The following STAT4 variants were observed in gnomAD, a reference collection of about 807,000 sequenced individuals.
STAT4 encodes the protein signal transducer and activator of transcription 4.
STAT4 carries 42 observed loss-of-function variants against 110.5 expected under a neutral mutation model. The ratio of observed to expected loss-of-function variants is 0.38; its 90% confidence interval spans 0.30 to 0.49. The LOEUF is 0.49. Ranked by LOEUF, STAT4 falls within the 20% of genes least tolerant of loss-of-function variation. STAT4 has a pLI of 0.95. For synonymous variants in STAT4, 284 were observed against 302.2 expected (o/e 0.94, Z 0.63); for missense variants, 632 against 887.9 (o/e 0.71, Z 3.66).
Position 191,132,682 on chromosome 2 carries a change from G to C in STAT4, c.273+13931C>G, listed in dbSNP as rs932786275. On this transcript the variant is annotated intron_variant, in intron 3 of 23. Transcript: ENST00000392320. ...CGTTAATTTCTCCTCATATTTAATA[G>C]CATGGAGTGAACAGACAACTGCCTA... Among the ~76,000 whole-genome samples, 9 of 151,644 alleles carry C rather than the reference G, an allele frequency of 5.9e-5. 1 individual carries two copies. The highest frequency in any genetic ancestry group is 2.2e-4 in the African/African-American group (9 of 41,012).
rs1480449393 is a variant in STAT4, at chr2:191,090,243, T to C, written c.274-13918A>G. 1.3e-5 allele frequency among the ~76,000 whole-genome samples: 2 copies of C among 152,108 alleles called. No individual in the cohort carries two copies. Among genetic ancestry groups the C allele is most frequent in the Non-Finnish European group, 2.9e-5 (2 of 68,012 alleles). ...ATTGCTCTAAAAAACAAATCCTTTT[T>C]ATTTTCTGAAATTGTCTTACTAAAA... On this transcript the variant is annotated intron_variant, in intron 3 of 23. Transcript: ENST00000392320. The surrounding 1 kb of genome is among the most constrained non-coding windows in gnomAD (Gnocchi z 4.2).
chr2:191,144,885 A>T lies in STAT4; in HGVS notation c.273+1728T>A, dbSNP rs1218557349. ...TATCTTTGTTTACATTAAAAGATACAGGTCAGAAGATTAAGTGATTTGCTC... is the reference window on the plus strand; with the variant it reads ...TATCTTTGTTTACATTAAAAGATACTGGTCAGAAGATTAAGTGATTTGCTC... On this transcript the variant is annotated intron_variant, in intron 3 of 23. Coordinates refer to ENST00000392320, the MANE Select transcript of STAT4 (RefSeq NM_003151.4). This position sits in a 1 kb window ranked among gnomAD's most constrained non-coding sequence, Gnocchi z 4.7. Among the ~76,000 whole-genome samples the T allele has an allele frequency of 6.6e-6, 1 of 152,222 alleles. No homozygotes were observed. Among genetic ancestry groups the T allele is most frequent in the Non-Finnish European group, 1.5e-5 (1 of 68,038 alleles).
chr2:191,097,894 G>T (rs573006433), intron 3 of STAT4, among the ~76,000 whole-genome samples: 3 of 139,844 alleles, frequency 2.1e-5, no homozygotes, highest in East Asian at 4.1e-4. Flanking sequence ...AATCTACAAA[G>T]AACTTAAACA....
intron 4 of STAT4, among the ~76,000 whole-genome samples, chr2:191,075,531 A>C (rs1697289036): frequency 6.6e-6 from 1 of 152,214 alleles, no homozygotes; most frequent in Admixed American, 6.5e-5. Context: ...ACCAGAACAT[A>C]CAGGAAGAGG....
At chr2:191,055,893 T>C (rs899251254) in intron 13 of STAT4, among the ~76,000 whole-genome samples, 11 of 152,230 alleles carry the variant, frequency 7.2e-5, no homozygotes, top group Admixed American at 2.0e-4. Flanking sequence ...CTTCCTACTT[T>C]ACTTATTACT....
At chr2:191,052,630 T>G (rs1696561517) in intron 14 of STAT4, among the ~76,000 whole-genome samples, 1 of 152,192 alleles carries the variant, frequency 6.6e-6, no homozygotes. Flanking sequence ...AGAGTTGAGC[T>G]ATTTGGATTT....
At chr2:191,141,082 G>A (rs1220652397) in intron 3 of STAT4, among the ~76,000 whole-genome samples, 1 of 151,902 alleles carries the variant, frequency 6.6e-6, no homozygotes, top group Admixed American at 6.6e-5. Flanking sequence ...GGGACTTGTG[G>A]GGGAAGGTTG....
intron 3 of STAT4, among the ~76,000 whole-genome samples, chr2:191,134,244 A>G (rs1333714365): frequency 6.6e-6 from 1 of 152,220 alleles, no homozygotes; most frequent in Non-Finnish European, 1.5e-5. Context: ...CATAGCCTGC[A>G]TGGGAGCAAA....
intron 5 of STAT4, among the ~76,000 whole-genome samples, chr2:191,072,589 T>A (rs1697197246): frequency 6.6e-6 from 1 of 152,204 alleles, no homozygotes; most frequent in Non-Finnish European, 1.5e-5. Context: ...ATGTAAGTTT[T>A]GGAAGGGAAA....
chr2:191,057,888 G>T, intron 13 of STAT4, 130 bp downstream of exon 13: 1 of 830,494 alleles, frequency 1.2e-6, no homozygotes, highest in Non-Finnish European at 1.9e-6. Context: ...ATGAGCCACC[G>T]TGCCCGGCCG....
At chr2:191,141,417 GTATATCACATACATACATATACA>G (rs1383860260) in intron 3 of STAT4, among the ~76,000 whole-genome samples, 38 of 44,666 alleles carry the variant, frequency 8.5e-4, no homozygotes, top group Admixed American at 1.7e-3. Context: ...ATATACATAT[GTATATCACATACATACATATACA>G]TATGTATATC....
At chr2:191,136,910 T>A (rs1699194383) in intron 3 of STAT4, among the ~76,000 whole-genome samples, 1 of 152,024 alleles carries the variant, frequency 6.6e-6, no homozygotes, top group East Asian at 1.9e-4. Flanking sequence ...TTCCATACAA[T>A]GAAAATGAAT....
Position 191,077,971 on chromosome 2 carries a change from C to T in STAT4, c.274-1646G>A, listed in dbSNP as rs866684888. ...CCGTGTGTCGACAATTTCAGATTCT[C>T]TCTAGTTAGAATTTGTTCCTGATGT... On this transcript the variant is annotated intron_variant, in intron 3 of 23. Coordinates refer to ENST00000392320, the MANE Select transcript of STAT4 (RefSeq NM_003151.4). The surrounding 1 kb of genome is among the most constrained non-coding windows in gnomAD (Gnocchi z 4.1). 2.0e-4 allele frequency among the ~76,000 whole-genome samples: 30 copies of T among 152,040 alleles called. No individual in the cohort carries two copies. Among genetic ancestry groups the T allele is most frequent in the African/African-American group, 6.8e-4 (28 of 41,400 alleles).
chr2:191,149,271 T>C (rs1699533040), intron 1 of STAT4, among the ~76,000 whole-genome samples: 1 of 152,202 alleles, frequency 6.6e-6, no homozygotes, highest in Non-Finnish European at 1.5e-5. Flanking sequence ...TTCATATATT[T>C]CATATACATA....
intron 14 of STAT4, among the ~76,000 whole-genome samples, chr2:191,047,881 G>T (rs1468673760): frequency 6.6e-6 from 1 of 152,174 alleles, no homozygotes; most frequent in African/African-American, 2.4e-5. Context: ...GGCCAGGCTG[G>T]TCTTGAACTC....
intron 3 of STAT4, among the ~76,000 whole-genome samples, chr2:191,093,479 G>C (rs904707274): frequency 6.6e-6 from 1 of 152,212 alleles, no homozygotes; most frequent in Non-Finnish European, 1.5e-5. Context: ...AAATCCAACA[G>C]ACTTGCAGCT....
Position 191,076,224 on chromosome 2 carries a change from T to C in STAT4, c.372+3A>G, listed in dbSNP as rs368710692. ...ACAAGATCACAAGGTCAGAAAATATTACCTGGACAGGCATGTTGGCTGCAG... is the reference window on the plus strand; with the variant it reads ...ACAAGATCACAAGGTCAGAAAATATCACCTGGACAGGCATGTTGGCTGCAG... On this transcript the variant is annotated splice_donor_region_variant and intron_variant, in intron 4 of 23. Transcript: ENST00000392320. 1.2e-6 allele frequency: 2 copies of C among 1,611,824 alleles called. No individual in the cohort carries two copies. Among genetic ancestry groups the C allele is most frequent in the Non-Finnish European group, 1.7e-6 (2 of 1,178,284 alleles).
At chr2:191,064,708 A>G in intron 8 of STAT4, 99 bp downstream of exon 8, 1 of 1,400,738 alleles carries the variant, frequency 7.1e-7, no homozygotes, top group South Asian at 1.5e-5. Context: ...AACTGAATGA[A>G]CTGATGTTGC....
Position 191,058,586 on chromosome 2 carries a change from A to T in STAT4, c.1094+124T>A. On this transcript the variant is annotated intron_variant, in intron 11 of 23. Transcript: ENST00000392320. The surrounding 1 kb of genome is among the most constrained non-coding windows in gnomAD (Gnocchi z 4.3). The stretch of plus-strand genomic sequence containing the variant: ...CTTCAAAGTCAAATATTTGAAGTAC[A>T]TTCATTATATAATGTTAGATAAGTA... The T allele has an allele frequency of 1.5e-6, 1 of 655,378 alleles. No individual in the cohort carries two copies. The highest frequency in any genetic ancestry group is 2.6e-6 in the Non-Finnish European group (1 of 377,594). The allele number at this position is 655,378 out of a possible 1,614,324, so 40.6% of individuals were successfully genotyped here.
Sources: allele counts gnomAD v4.1 joint callset (sites outside exome capture counted in the v4.1 genomes callset), GRCh38; gene constraint gnomAD v4.1.1; non-coding constraint Gnocchi (gnomAD v3.1); transcripts MANE v1.5; gene names NCBI Gene and HGNC (gene_info 2026-07-23, HGNC 2026-07-21).